The following C14orf39 variants were observed in gnomAD, a reference collection of about 807,000 sequenced individuals.
The protein encoded by C14orf39 is chromosome 14 open reading frame 39.
C14orf39 carries 66 observed loss-of-function variants against 85.6 expected under a neutral mutation model. That is an observed-to-expected ratio of 0.77 (90% confidence interval 0.63 to 0.95). The LOEUF is 0.95. Ranked by LOEUF, C14orf39 falls within the 40% of genes least tolerant of loss-of-function variation. The probability of loss-of-function intolerance (pLI) is 0.00; values close to 1 mark genes in which losing one functional copy is unlikely to be tolerated. For synonymous variants in C14orf39, 242 were observed against 214.0 expected, an observed-to-expected ratio of 1.13 and a Z score of -1.14; for missense variants, 735 against 663.9, an observed-to-expected ratio of 1.11 and a Z score of -1.18.
intron 17 of C14orf39, among the ~76,000 whole-genome samples, chr14:60,441,269 C>T (rs947402293): frequency 9.9e-5 from 15 of 152,274 alleles, no homozygotes; most frequent in Non-Finnish European, 2.2e-4. Context: ...ATTGAAGTTA[C>T]AGCTCTTGTG....
At chr14:60,476,562 C>G (rs1185142841) in intron 5 of C14orf39, among the ~76,000 whole-genome samples, 1 of 152,168 alleles carries the variant, frequency 6.6e-6, no homozygotes, top group African/African-American at 2.4e-5. Context: ...AAGAAAGAAA[C>G]AGACAACTGT....
At chr14:60,498,855 C>A (rs1311522828) in intron 2 of C14orf39, among the ~76,000 whole-genome samples, 1 of 152,160 alleles carries the variant, frequency 6.6e-6, no homozygotes, top group Non-Finnish European at 1.5e-5. Context: ...TAATACAATT[C>A]TGTGAAAACC....
intron 13 of C14orf39, among the ~76,000 whole-genome samples, chr14:60,460,640 C>G (rs1891477323): frequency 1.3e-5 from 2 of 151,724 alleles, no homozygotes; most frequent in South Asian, 4.1e-4. Flanking sequence ...TATACATTCA[C>G]TCACATGTGA....
At chr14:60,474,437 G>A (rs12882752) in intron 5 of C14orf39, among the ~76,000 whole-genome samples, 336 of 26,366 alleles carry the variant, frequency 0.013, 11 homozygotes, top group Admixed American at 0.025. Context: ...CCAACACTAT[G>A]TTGAATAGGA....
At chr14:60,467,770 C>T (rs973730574) in intron 9 of C14orf39, among the ~76,000 whole-genome samples, 7 of 151,306 alleles carry the variant, frequency 4.6e-5, no homozygotes, top group Admixed American at 1.3e-4. Flanking sequence ...GAAATTAACC[C>T]GACAGAAGAA....
intron 1 of C14orf39, among the ~76,000 whole-genome samples, chr14:60,506,327 C>CAA (rs756659561): frequency 1.3e-5 from 2 of 152,090 alleles, no homozygotes; most frequent in Non-Finnish European, 2.9e-5. Flanking sequence ...CACAAAACCT[C>CAA]AAAACTGGTA....
rs1891909687 is a variant in C14orf39, at chr14:60,468,547, A to T, written c.676-11T>A. On this transcript the variant is annotated splice_polypyrimidine_tract_variant and intron_variant, in intron 8 of 17. Transcript: ENST00000321731. ...ATGCCTAGATATCTGCTAAAAAGAC[A>T]ATTGGGAACACAAAACAAAATAATT... 1 of 1,488,162 alleles carries T rather than the reference A, an allele frequency of 6.7e-7. No individual in the cohort carries two copies. The allele number at this position is 1,488,162 out of a possible 1,614,324, so 92.2% of individuals were successfully genotyped here.
intron 16 of C14orf39, among the ~76,000 whole-genome samples, chr14:60,444,402 T>C (rs1258578798): frequency 2.6e-5 from 4 of 152,144 alleles, no homozygotes; most frequent in South Asian, 2.1e-4. Flanking sequence ...TCAGGACACA[T>C]ACAAAAGCTT....
chr14:60,496,092 T>C, intron 2 of C14orf39: 1 of 741,070 alleles, frequency 1.3e-6, no homozygotes, highest in South Asian at 1.4e-5. Context: ...GCTTCCAGTG[T>C]TCTGACTGAG....
chr14:60,483,975 T>C (rs1260655327), intron 3 of C14orf39, among the ~76,000 whole-genome samples, 158 bp from the exon 4 acceptor site: 8 of 152,116 alleles, frequency 5.3e-5, no homozygotes. Context: ...TATACTAAAA[T>C]GCAGAGAACC....
At chr14:60,472,139 C>T (rs1012250560) in intron 5 of C14orf39, among the ~76,000 whole-genome samples, 8 of 152,054 alleles carry the variant, frequency 5.3e-5, no homozygotes, top group Admixed American at 5.3e-4. Context: ...TTCTGAGTCT[C>T]TACTCTCCCA....
chr14:60,462,365 G>A (rs1046480604), intron 11 of C14orf39, among the ~76,000 whole-genome samples: 14 of 152,094 alleles, frequency 9.2e-5, no homozygotes, highest in Admixed American at 6.6e-4. Context: ...CTCCAACCTG[G>A]AGGTGACACG....
intron 1 of C14orf39, among the ~76,000 whole-genome samples, chr14:60,506,680 A>G (rs1411282733): frequency 6.6e-6 from 1 of 152,148 alleles, no homozygotes; most frequent in Non-Finnish European, 1.5e-5. Flanking sequence ...CCCAACCTCC[A>G]GGCACTTCTC....
At chr14:60,442,393 ATATT>A (rs2140020812) in intron 16 of C14orf39, among the ~76,000 whole-genome samples, 1 of 152,258 alleles carries the variant, frequency 6.6e-6, no homozygotes, top group Admixed American at 6.5e-5. Flanking sequence ...TCTTAATATG[ATATT>A]TTGCTTTATT....
Position 60,458,633 on chromosome 14 carries a change from A to G in C14orf39, c.1179+45T>C. On this transcript the variant is annotated intron_variant, in intron 14 of 17. Coordinates refer to ENST00000321731, the MANE Select transcript of C14orf39 (RefSeq NM_174978.3). ...AATTTAAATAGACATAATATTTTAA[A>G]TTGGAATTTTTGCTTAGAAATTAGA... is the stretch of plus-strand genomic sequence containing the variant. The G allele has an allele frequency of 2.2e-6, 3 of 1,371,672 alleles. 1 individual carries two copies. The highest frequency in any genetic ancestry group is 2.9e-5 in the African/African-American group (2 of 69,404). 85.0% of individuals were successfully genotyped at this position (1,371,672 alleles called of 1,614,324 possible). A position where few individuals can be genotyped will look rare whatever the true frequency, so the allele number is the denominator to read the frequency against.
chr14:60,479,348 A>T (rs1204172435), intron 4 of C14orf39, among the ~76,000 whole-genome samples: 2 of 152,196 alleles, frequency 1.3e-5, no homozygotes, highest in African/African-American at 2.4e-5. Flanking sequence ...CAATATTTTT[A>T]AATGTCATAA....
chr14:60,454,814 A>G (rs1455773086), intron 16 of C14orf39, among the ~76,000 whole-genome samples, 187 bp downstream of exon 16: 1 of 152,042 alleles, frequency 6.6e-6, no homozygotes. Flanking sequence ...ACAGATGTCA[A>G]TATGAGGCAT....
intron 2 of C14orf39, among the ~76,000 whole-genome samples, chr14:60,497,564 T>C (rs1014691717): frequency 3.3e-5 from 5 of 152,170 alleles, no homozygotes; most frequent in Admixed American, 1.3e-4. Flanking sequence ...CTCTAGACTT[T>C]CAGTTCTGCA....
At chr14:60,480,450 A>G (rs564492181) in intron 4 of C14orf39, among the ~76,000 whole-genome samples, 60 of 152,250 alleles carry the variant, frequency 3.9e-4, no homozygotes, top group African/African-American at 1.4e-3. Context: ...AAGGTGAATA[A>G]CAACAAGTGT....
Sources: allele counts gnomAD v4.1 joint callset (sites outside exome capture counted in the v4.1 genomes callset), GRCh38; gene constraint gnomAD v4.1.1; transcripts MANE v1.5; gene names NCBI Gene and HGNC (gene_info 2026-07-23, HGNC 2026-07-21).